DPP6: variants seen among roughly 807,000 people sequenced by gnomAD.
The protein encoded by DPP6 is A-type potassium channel modulatory protein DPP6.
A neutral mutation model predicts 122.6 loss-of-function variants in DPP6; 69 were observed. The observed-to-expected ratio is 0.56, with a 90% CI of 0.46 to 0.69. DPP6 has a LOEUF of 0.69. Ranked by LOEUF, DPP6 falls within the 30% of genes least tolerant of loss-of-function variation. DPP6 has a pLI of 0.00. For synonymous variants in DPP6, 418 were observed against 433.1 expected, an observed-to-expected ratio of 0.97 and a Z score of 0.43; for missense variants, 928 against 1,116.9, an observed-to-expected ratio of 0.83 and a Z score of 2.41.
chr7:154,643,172 A>C (rs1836215905), intron 6 of DPP6, among the ~76,000 whole-genome samples: 1 of 152,174 alleles, frequency 6.6e-6, no homozygotes, highest in Non-Finnish European at 1.5e-5. Context: ...ATGTCTTTGT[A>C]ATTTTAATTT....
At chr7:154,271,909 T>C (rs1238250812) in intron 1 of DPP6, among the ~76,000 whole-genome samples, 1 of 152,210 alleles carries the variant, frequency 6.6e-6, no homozygotes, top group East Asian at 1.9e-4. Context: ...CAGGAAGATG[T>C]TGCCTTATAG....
At chr7:154,136,915 T>C (rs569981453) in intron 1 of DPP6, among the ~76,000 whole-genome samples, 143 of 152,322 alleles carry the variant, frequency 9.4e-4, no homozygotes, top group Middle Eastern at 6.8e-3. Context: ...TTAAAAATTA[T>C]AGTATAGTCT....
chr7:153,815,248 A>T, the DPP6 span, among the ~76,000 whole-genome samples: 4 of 152,210 alleles, frequency 2.6e-5, no homozygotes, highest in Non-Finnish European at 4.4e-5. Context: ...ACTGATAAGC[A>T]ACTTCAGCAA....
intron 1 of DPP6, among the ~76,000 whole-genome samples, chr7:154,272,669 G>A (rs572636827): frequency 1.3e-5 from 2 of 152,254 alleles, no homozygotes; most frequent in East Asian, 1.9e-4. Context: ...GAGGGGAAAC[G>A]TAAATGAGTG....
At chr7:153,833,860 A>G in the DPP6 span, among the ~76,000 whole-genome samples, 1 of 152,172 alleles carries the variant, frequency 6.6e-6, no homozygotes, top group Non-Finnish European at 1.5e-5. Flanking sequence ...AGGACAATGC[A>G]TTCTGCTTTC....
intron 7 of DPP6, among the ~76,000 whole-genome samples, chr7:154,675,345 T>G (rs185686479): frequency 4.7e-4 from 71 of 152,226 alleles, no homozygotes; most frequent in Non-Finnish European, 4.4e-4. Flanking sequence ...ACCTTAGAAC[T>G]TAAAGTATAA....
At chr7:154,386,143 G>C (rs577303465) in intron 1 of DPP6, among the ~76,000 whole-genome samples, 1 of 152,238 alleles carries the variant, frequency 6.6e-6, no homozygotes, top group South Asian at 2.1e-4. Context: ...TGACAAACAG[G>C]ATCACATCAC....
rs1798980740 is a variant in DPP6, at chr7:153,887,469, C to A, written c.-215C>A. On this transcript the variant is annotated 5_prime_UTR_variant, in exon 1 of 26. Coordinates refer to the DPP6 transcript ENST00000404039. ...TTCTTTCTTTCTTTATTGGTAGCGGCCAAAAAGAGTTGATTGCTATTGGGA... is the reference window on the plus strand; with the variant it reads ...TTCTTTCTTTCTTTATTGGTAGCGGACAAAAAGAGTTGATTGCTATTGGGA... 6 of 490,582 alleles carry A rather than the reference C, an allele frequency of 1.2e-5. No homozygotes were observed. In the South Asian group the frequency reaches 2.3e-4, roughly 19 times the overall value. 30.4% of individuals were successfully genotyped at this position (490,582 alleles called of 1,614,324 possible). A position where few individuals can be genotyped will look rare whatever the true frequency, so the allele number is the denominator to read the frequency against.
chr7:154,582,003 C>T (rs961843906), intron 5 of DPP6, among the ~76,000 whole-genome samples: 2 of 152,150 alleles, frequency 1.3e-5, no homozygotes, highest in African/African-American at 2.4e-5. Context: ...GGAGTAGACC[C>T]GGGTGCCTAC....
intron 1 of DPP6, among the ~76,000 whole-genome samples, chr7:154,173,009 G>A (rs1480472441): frequency 6.6e-6 from 1 of 152,160 alleles, no homozygotes; most frequent in Non-Finnish European, 1.5e-5. Flanking sequence ...TGAAGGGAAT[G>A]GTAGGAAAGA....
chr7:154,459,941 T>G (rs1203702012), intron 2 of DPP6, among the ~76,000 whole-genome samples: 1 of 151,258 alleles, frequency 6.6e-6, no homozygotes, highest in Non-Finnish European at 1.5e-5. Context: ...TTCCACCATT[T>G]CTGATTTAAG....
Position 153,964,976 on chromosome 7 carries a change from TTCCC to T in DPP6, c.51+77244_51+77247del, listed in dbSNP as rs1356025933. Among the ~76,000 whole-genome samples the T allele has an allele frequency of 4.2e-3, 421 of 101,134 alleles. 48 individuals are homozygous for T. Among genetic ancestry groups the T allele is most frequent in the African/African-American group, 0.021 (390 of 18,318 alleles). 66.3% of individuals were successfully genotyped at this position (101,134 alleles called of 152,430 possible). On this transcript the variant is annotated intron_variant, in intron 1 of 25. Coordinates refer to the DPP6 transcript ENST00000404039. ...TCTCTCTTTCTTTCTTTCATTTCTTTTCCCTTCCTTCCTTCCTTCCTTTCTTCCT... is the reference window on the plus strand; with the variant it reads ...TCTCTCTTTCTTTCTTTCATTTCTTTTTCCTTCCTTCCTTCCTTTCTTCCT...
intron 8 of DPP6, among the ~76,000 whole-genome samples, chr7:154,764,242 T>A (rs1346033217): frequency 1.3e-5 from 2 of 152,166 alleles, no homozygotes; most frequent in African/African-American, 2.4e-5. Context: ...TCTCGCTCGG[T>A]GGATTTGCTA....
the DPP6 span, among the ~76,000 whole-genome samples, chr7:153,815,431 A>G: frequency 6.6e-6 from 1 of 152,164 alleles, no homozygotes; most frequent in Non-Finnish European, 1.5e-5. Context: ...GGTTAGTTAC[A>G]TATGTATACA....
At chr7:154,254,219 C>A (rs1478327727) in intron 1 of DPP6, among the ~76,000 whole-genome samples, 1 of 152,164 alleles carries the variant, frequency 6.6e-6, no homozygotes, top group Non-Finnish European at 1.5e-5. Context: ...GATGATAGAG[C>A]TTTGCCCAAT....
At chr7:154,021,795 C>G (rs1175728113) in intron 1 of DPP6, among the ~76,000 whole-genome samples, 1 of 152,194 alleles carries the variant, frequency 6.6e-6, no homozygotes, top group Non-Finnish European at 1.5e-5. Flanking sequence ...CTCCTGGACT[C>G]TAAGCCTCCC....
chr7:154,840,949 G>T (rs1390586502), intron 16 of DPP6, among the ~76,000 whole-genome samples: 1 of 152,158 alleles, frequency 6.6e-6, no homozygotes, highest in Non-Finnish European at 1.5e-5. Context: ...TGCTGTTAAC[G>T]AGTCAATGTA....
At chr7:154,545,777 C>G (rs1829135971) in intron 4 of DPP6, among the ~76,000 whole-genome samples, 1 of 152,174 alleles carries the variant, frequency 6.6e-6, no homozygotes, top group Non-Finnish European at 1.5e-5. Flanking sequence ...TTTCTAAGAA[C>G]AGTTCTCTGG....
chr7:154,874,928 A>C (rs546966626), intron 19 of DPP6, among the ~76,000 whole-genome samples: 8 of 152,270 alleles, frequency 5.3e-5, no homozygotes, highest in Admixed American at 4.6e-4. Flanking sequence ...CCATCTCTAC[A>C]GATTAACAGA....
Sources: allele counts gnomAD v4.1 joint callset (sites outside exome capture counted in the v4.1 genomes callset), GRCh38; gene constraint gnomAD v4.1.1; transcripts MANE v1.5; gene names NCBI Gene and HGNC (gene_info 2026-07-23, HGNC 2026-07-21).